The following ACOX3 variants were observed in gnomAD, a reference collection of about 807,000 sequenced individuals.
The protein encoded by ACOX3 is acyl-CoA oxidase 3, pristanoyl.
Under a neutral mutation model 81.5 loss-of-function variants are expected in ACOX3, and 73 were observed. The ratio of observed to expected loss-of-function variants is 0.90; its 90% CI spans 0.74 to 1.09. ACOX3 has a LOEUF of 1.09. ACOX3 is among the 50% of genes least tolerant of loss of function. The pLI is 0.00. For missense variants in ACOX3, 947 were observed against 928.0 expected, an observed-to-expected ratio of 1.02 and a Z score of -0.27; for synonymous variants, 387 against 375.1, an observed-to-expected ratio of 1.03 and a Z score of -0.37.
intron 5 of ACOX3, among the ~76,000 whole-genome samples, chr4:8,411,848 A>G (rs1485752129): frequency 2.6e-5 from 4 of 152,220 alleles, no homozygotes; most frequent in Non-Finnish European, 2.9e-5. Flanking sequence ...CAGTCTTGGA[A>G]AGCTGTGCCT....
intron 3 of ACOX3, among the ~76,000 whole-genome samples, chr4:8,415,187 C>T (rs1439790825): frequency 6.6e-6 from 1 of 152,162 alleles, no homozygotes; most frequent in Non-Finnish European, 1.5e-5. Flanking sequence ...GTGCCGAGCA[C>T]CTTGTATAAG....
At chr4:8,377,038 C>T (rs1196301474) in intron 14 of ACOX3, among the ~76,000 whole-genome samples, 9 of 152,062 alleles carry the variant, frequency 5.9e-5, no homozygotes, top group Admixed American at 1.3e-4. Flanking sequence ...ATGAAACAAG[C>T]GGGTGACGGC....
At chr4:8,379,963 C>T (rs765961847) in intron 14 of ACOX3, among the ~76,000 whole-genome samples, 1 of 151,850 alleles carries the variant, frequency 6.6e-6, no homozygotes, top group Admixed American at 6.6e-5. Context: ...TCCACCTTAA[C>T]GCAAGGATGT....
downstream of ACOX3, among the ~76,000 whole-genome samples, chr4:8,364,921 G>A (rs1027669834): frequency 1.8e-4 from 28 of 152,202 alleles, no homozygotes; most frequent in African/African-American, 6.5e-4. This position sits in a 1 kb window ranked among gnomAD's most constrained non-coding sequence, Gnocchi z 5.0. Context: ...AGGAGTGACC[G>A]TGACTCTAAC....
intron 3 of ACOX3, 100 bp from the exon 4 acceptor site, chr4:8,415,028 G>T: frequency 9.1e-7 from 1 of 1,093,738 alleles, no homozygotes; most frequent in Non-Finnish European, 1.4e-6. Context: ...CCATGCCCAC[G>T]CTGGTTCCCT....
chr4:8,415,290 C>T (rs1227900073), intron 3 of ACOX3, among the ~76,000 whole-genome samples: 1 of 152,232 alleles, frequency 6.6e-6, no homozygotes, highest in African/African-American at 2.4e-5. Context: ...CAGAGCCCAC[C>T]AGCCCATCAA....
At position 8,408,314 on chromosome 4, in the gene ACOX3, G is replaced by A. The variant is rs192255447; in HGVS notation, c.687+1898C>T. 3.5e-3 allele frequency among the ~76,000 whole-genome samples: 520 copies of A among 149,708 alleles called. 5 individuals carry two copies. The highest frequency in any genetic ancestry group is 2.7e-3 in the East Asian group (14 of 5,116). ...ACCTGCAAAAGATGCCTGCCCCTCC[G>A]CCCACCAGCTCAGGTCTGGGGCGCA... On this transcript the variant is annotated intron_variant, in intron 6 of 17. Coordinates refer to ENST00000356406, the MANE Select transcript of ACOX3 (RefSeq NM_003501.3).
chr4:8,361,146 G>A, the ACOX3 span, among the ~76,000 whole-genome samples: 247 of 152,100 alleles, frequency 1.6e-3, no homozygotes, highest in Non-Finnish European at 2.7e-3. Flanking sequence ...GTTTTAGGCC[G>A]GGCGCGGTGG....
At chr4:8,390,089 C>A (rs1718788457) in intron 11 of ACOX3, among the ~76,000 whole-genome samples, 2 of 126,854 alleles carry the variant, frequency 1.6e-5, no homozygotes, top group Admixed American at 8.2e-5. Flanking sequence ...GGTGACAGAG[C>A]AAGACCCTGT....
chr4:8,373,632 C>T lies in ACOX3; in HGVS notation c.1829-4G>A. On this transcript the variant is annotated splice_polypyrimidine_tract_variant and splice_region_variant and intron_variant, in intron 15 of 17. Transcript: ENST00000356406. Reference sequence around the variant, plus strand: ...TGCTCACCGGAGAAGTATCCTCCTGCAAGCACAGCCTCGGTCACATGGGGG... The same window carrying T: ...TGCTCACCGGAGAAGTATCCTCCTGTAAGCACAGCCTCGGTCACATGGGGG... The T allele has an allele frequency of 6.2e-7, 1 of 1,610,826 alleles. No homozygotes were observed. Among genetic ancestry groups the T allele is most frequent in the Non-Finnish European group, 8.5e-7 (1 of 1,178,622 alleles).
At position 8,419,508 on chromosome 4, in the gene ACOX3, C is replaced by T. The variant is rs1346374477; in HGVS notation, c.-14-2973G>A. On this transcript the variant is annotated intron_variant, in intron 1 of 17. Transcript: ENST00000356406. The surrounding 1 kb of genome is among the most constrained non-coding windows in gnomAD (Gnocchi z 4.2). ...ATTGAGAGGATGTGGAGAAATCAGA[C>T]TCTCATGCCCTTCCAGTGAAAATGT... Among the ~76,000 whole-genome samples, 1 of 152,046 alleles carries T rather than the reference C, an allele frequency of 6.6e-6. No individual in the cohort carries two copies. The highest frequency in any genetic ancestry group is 6.5e-5 in the Admixed American group (1 of 15,274).
intron 14 of ACOX3, 69 bp from the exon 15 acceptor site, chr4:8,375,221 G>T (rs1390595257): frequency 6.9e-7 from 1 of 1,439,688 alleles, no homozygotes; most frequent in African/African-American, 1.4e-5. Flanking sequence ...GGGGGAGGAA[G>T]TTCTCAGGAA....
chr4:8,422,210 G>A lies in ACOX3; in HGVS notation c.-14-5675C>T, dbSNP rs74517127. On this transcript the variant is annotated intron_variant, in intron 1 of 17. Coordinates refer to ENST00000356406, the MANE Select transcript of ACOX3 (RefSeq NM_003501.3). ...AGAGAGGGGGGAAGAAAGGCAGAAA[G>A]TCAAAGAGAAAGAGAGAGACAGTCA... is the stretch of plus-strand genomic sequence containing the variant. 3.5e-3 allele frequency among the ~76,000 whole-genome samples: 530 copies of A among 152,170 alleles called. 1 individual carries two copies. The highest frequency in any genetic ancestry group is 5.7e-3 in the Non-Finnish European group (390 of 68,008).
Position 8,399,492 on chromosome 4 carries a change from G to T in ACOX3, c.873+64C>A. On this transcript the variant is annotated intron_variant, in intron 8 of 17. Coordinates refer to ENST00000356406, the MANE Select transcript of ACOX3 (RefSeq NM_003501.3). The surrounding 1 kb of genome is among the most constrained non-coding windows in gnomAD (Gnocchi z 4.9). ...TTCCAGGTGCAGGGAGGAGCACAGA[G>T]CCAGGCCCTGCAGAGGAAGGCACCT... 2 of 1,406,174 alleles carry T rather than the reference G, an allele frequency of 1.4e-6. No homozygotes were observed. The highest frequency in any genetic ancestry group is 2.0e-6 in the Non-Finnish European group (2 of 995,752). 87.1% of individuals were successfully genotyped at this position (1,406,174 alleles called of 1,614,324 possible).
rs1560202464 is a variant in ACOX3 at position 8,419,911 on chromosome 4, AC to A, written c.-14-3377del. Among the ~76,000 whole-genome samples, 1 of 152,212 alleles carries A rather than the reference AC, an allele frequency of 6.6e-6. No homozygotes were observed. The highest frequency in any genetic ancestry group is 1.5e-5 in the Non-Finnish European group (1 of 68,032). Reference sequence around the variant, plus strand: ...CCTCTCCATGCGCCATAACCTCAGTACATTACCAAGTCCACAGTGCATCTCT... The same window carrying A: ...CCTCTCCATGCGCCATAACCTCAGTAATTACCAAGTCCACAGTGCATCTCT... On this transcript the variant is annotated intron_variant, in intron 1 of 17. Coordinates refer to ENST00000356406, the MANE Select transcript of ACOX3 (RefSeq NM_003501.3). This position sits in a 1 kb window ranked among gnomAD's most constrained non-coding sequence, Gnocchi z 4.2.
chr4:8,433,443 T>C (rs1033975035), intron 1 of ACOX3, among the ~76,000 whole-genome samples: 7 of 152,228 alleles, frequency 4.6e-5, no homozygotes, highest in Non-Finnish European at 1.0e-4. Context: ...CTAGGAGAGA[T>C]GAATGGATTC....
chr4:8,373,382 T>TGCGTGTCGGTCTGGGTAAGGGGGC (rs1716486236), intron 16 of ACOX3, among the ~76,000 whole-genome samples, 179 bp downstream of exon 16: 1 of 147,158 alleles, frequency 6.8e-6, no homozygotes, highest in African/African-American at 2.6e-5. Context: ...GCTAAGGGGG[T>TGCGTGTCGGTCTGGGTAAGGGGGC]GCGTGTCGGT....
rs772907134 is a variant in ACOX3, at chr4:8,370,443, C to T, written c.1983+465G>A. 2.7e-5 allele frequency among the ~76,000 whole-genome samples: 4 copies of T among 150,310 alleles called. No individual in the cohort carries two copies. The highest frequency in any genetic ancestry group is 2.1e-4 in the South Asian group (1 of 4,710). On this transcript the variant is annotated intron_variant, in intron 17 of 17. Transcript: ENST00000356406. This position sits in a 1 kb window ranked among gnomAD's most constrained non-coding sequence, Gnocchi z 6.3. ...CCACAGGGAGGCGGTTGGGGGAAAG[C>T]GGGGCAGGGGAGAGTAACCCCGGTG...
Position 8,397,032 on chromosome 4 carries a change from G to C in ACOX3, c.961C>G (p.Leu321Val). 1 of 1,611,514 alleles carries C rather than the reference G, an allele frequency of 6.2e-7. No individual in the cohort carries two copies. The highest frequency in any genetic ancestry group is 8.5e-7 in the Non-Finnish European group (1 of 1,178,944). Residue 321 changes from leucine to valine, a missense_variant, in exon 9 of 18, where the codon CTG (leucine) becomes GTG (valine). By Grantham distance (32) the Leu-to-Val change is conservative. Coordinates refer to ENST00000356406, the MANE Select transcript of ACOX3 (RefSeq NM_003501.3). ...IVSLAILNLK[L>V]AVAIALRFSA... is the part of the protein sequence containing the mutation. ...AAGCGAAGAGCGATGGCCACGGCCA[G>C]CTTTAGGTTAAGGATGGCCAGGCTC...
Sources: allele counts gnomAD v4.1 joint callset (sites outside exome capture counted in the v4.1 genomes callset), GRCh38; gene constraint gnomAD v4.1.1; non-coding constraint Gnocchi (gnomAD v3.1); transcripts MANE v1.5; gene names NCBI Gene and HGNC (gene_info 2026-07-23, HGNC 2026-07-21).